The following ARFGEF2 variants were observed in gnomAD, a reference collection of about 807,000 sequenced individuals.
ARFGEF2 encodes brefeldin A-inhibited guanine nucleotide-exchange protein 2.
ARFGEF2 carries 74 observed loss-of-function variants against 219.9 expected under a neutral mutation model. The observed-to-expected ratio is 0.34, with a 90% CI of 0.28 to 0.41. The LOEUF is 0.41. Ranked by LOEUF, ARFGEF2 falls within the 10% of genes least tolerant of loss-of-function variation. The pLI, the probability that ARFGEF2 is intolerant of heterozygous loss-of-function variation, is 1.00. For synonymous variants in ARFGEF2, 733 were observed against 799.2 expected (o/e 0.92, Z 1.40); for missense variants, 1,743 against 2,218.3 (o/e 0.79, Z 4.30).
intron 1 of ARFGEF2, among the ~76,000 whole-genome samples, chr20:48,933,855 C>T (rs971230133): frequency 6.6e-6 from 1 of 152,030 alleles, no homozygotes; most frequent in Non-Finnish European, 1.5e-5. Flanking sequence ...TGCGGTGGCT[C>T]ATGCCTGTAA....
In ARFGEF2 at chr20:48,998,322, G is replaced by A; in HGVS notation, c.3263-14G>A. Reference sequence around the variant, plus strand: ...TAACGAGGCTTTGCTTGTGTTGTTGGGTCTGGCCTGTAGTTGACTTTGTCC... The same window carrying A: ...TAACGAGGCTTTGCTTGTGTTGTTGAGTCTGGCCTGTAGTTGACTTTGTCC... On this transcript the variant is annotated splice_polypyrimidine_tract_variant and intron_variant, in intron 24 of 38. Coordinates refer to ENST00000371917, the MANE Select transcript of ARFGEF2 (RefSeq NM_006420.3). The A allele has an allele frequency of 6.2e-7, 1 of 1,614,146 alleles. No individual in the cohort carries two copies. Among genetic ancestry groups the A allele is most frequent in the Middle Eastern group, 1.6e-4 (1 of 6,062 alleles).
chr20:48,949,579 C>T (rs1440373909), intron 3 of ARFGEF2, among the ~76,000 whole-genome samples: 2 of 152,162 alleles, frequency 1.3e-5, no homozygotes, highest in African/African-American at 2.4e-5. Context: ...CCTTCAGTTA[C>T]TCCATCCAGT....
At chr20:48,991,993 G>C (rs1411370745) in intron 21 of ARFGEF2, among the ~76,000 whole-genome samples, 1 of 152,210 alleles carries the variant, frequency 6.6e-6, no homozygotes, top group Non-Finnish European at 1.5e-5. Context: ...AGATATGAGG[G>C]TGCAGCTTGG....
chr20:49,006,302 A>G (rs2091459116), intron 26 of ARFGEF2, among the ~76,000 whole-genome samples: 1 of 152,224 alleles, frequency 6.6e-6, no homozygotes, highest in Non-Finnish European at 1.5e-5. Context: ...CTCAAAAAAA[A>G]TAAATAAAAA....
At chr20:48,922,986 G>A (rs1647117124) in intron 1 of ARFGEF2, among the ~76,000 whole-genome samples, 1 of 152,232 alleles carries the variant, frequency 6.6e-6, no homozygotes, top group Admixed American at 6.5e-5. Context: ...ACAGCAAGAT[G>A]TGATAAAGAG....
intron 7 of ARFGEF2, among the ~76,000 whole-genome samples, chr20:48,964,179 C>T (rs1044392373): frequency 6.6e-5 from 10 of 152,150 alleles, no homozygotes; most frequent in Admixed American, 3.3e-4. Flanking sequence ...GAGGCCAAGG[C>T]GGGCGGTTCA....
At chr20:48,935,592 C>G (rs1197811715) in intron 1 of ARFGEF2, among the ~76,000 whole-genome samples, 4 of 152,256 alleles carry the variant, frequency 2.6e-5, no homozygotes. Flanking sequence ...ATGGCCCGTT[C>G]TCAATGAGCT....
intron 3 of ARFGEF2, among the ~76,000 whole-genome samples, chr20:48,943,932 G>C (rs1002587925): frequency 6.6e-6 from 1 of 152,208 alleles, no homozygotes. Context: ...AAAGAGTACT[G>C]TGATTGATTG....
rs140398491 is a variant in ARFGEF2 at position 49,033,237 on chromosome 20, T to C, written c.*38T>C. On this transcript the variant is annotated 3_prime_UTR_variant, in exon 39 of 39. Coordinates refer to ENST00000371917, the MANE Select transcript of ARFGEF2 (RefSeq NM_006420.3). ...AGGCCAGTGCTGCAGCTCTGCAGAA[T>C]GTTCAGCATGCCATTTCTGACTGGC... 974 of 1,609,964 alleles carry C rather than the reference T, an allele frequency of 6.0e-4. 5 individuals are homozygous for C. The African/African-American group carries it at 0.011, about 18-fold the overall frequency.
Position 48,987,608 on chromosome 20 carries a change from G to A in ARFGEF2, c.2277-696G>A, listed in dbSNP as rs140392079. On this transcript the variant is annotated intron_variant, in intron 16 of 38. Transcript: ENST00000371917. Reference sequence around the variant, plus strand: ...CTCAGGAACAGGACAAGGTGGGGGAGGCACTCAAGCGCTTAGTGTGTGAAA... The same window carrying A: ...CTCAGGAACAGGACAAGGTGGGGGAAGCACTCAAGCGCTTAGTGTGTGAAA... Among the ~76,000 whole-genome samples, 285 of 152,240 alleles carry A rather than the reference G, an allele frequency of 1.9e-3. 1 individual carries two copies. The highest frequency in any genetic ancestry group is 6.5e-3 in the African/African-American group (272 of 41,542).
chr20:49,020,753 CT>C (rs1283173906), intron 34 of ARFGEF2, among the ~76,000 whole-genome samples: 1 of 152,088 alleles, frequency 6.6e-6, no homozygotes, highest in Non-Finnish European at 1.5e-5. Flanking sequence ...GGCTCTTTTT[CT>C]TCACGAGCTC....
rs141662269 is a variant in ARFGEF2 at position 48,942,310 on chromosome 20, CT to C, written c.276+329del. Among the ~76,000 whole-genome samples, 15,804 of 151,870 alleles carry C rather than the reference CT, an allele frequency of 0.1. 970 individuals are homozygous for C. The highest frequency in any genetic ancestry group is 0.13 in the Non-Finnish European group (8,956 of 67,950). On this transcript the variant is annotated intron_variant, in intron 3 of 38. Coordinates refer to ENST00000371917, the MANE Select transcript of ARFGEF2 (RefSeq NM_006420.3). Reference sequence around the variant, plus strand: ...CACATAAGGCATTTTTATACAGCCTCTTTTTTATTTTTTCCATTTTGTAGAG... The same window carrying C: ...CACATAAGGCATTTTTATACAGCCTCTTTTTATTTTTTCCATTTTGTAGAG...
chr20:48,989,870 G>A (rs6066938), intron 20 of ARFGEF2, among the ~76,000 whole-genome samples, 186 bp downstream of exon 20: 1 of 152,156 alleles, frequency 6.6e-6, no homozygotes, highest in East Asian at 1.9e-4. Context: ...ATGGAGATAC[G>A]GATTAAAACT....
chr20:48,989,147 T>C, intron 18 of ARFGEF2, 138 bp from the exon 19 acceptor site: 1 of 998,800 alleles, frequency 1.0e-6, no homozygotes, highest in Non-Finnish European at 1.5e-6. Context: ...AAAATGGTAA[T>C]AATAATATTT....
chr20:49,018,782 A>G (rs1390936239), intron 33 of ARFGEF2, 102 bp from the exon 34 acceptor site: 3 of 862,344 alleles, frequency 3.5e-6, no homozygotes, highest in Non-Finnish European at 3.9e-6. Flanking sequence ...TAAGCAAGGC[A>G]CTTAAATACA....
At chr20:48,996,918 C>T (rs2091393941) in intron 23 of ARFGEF2, among the ~76,000 whole-genome samples, 1 of 151,910 alleles carries the variant, frequency 6.6e-6, no homozygotes, top group Non-Finnish European at 1.5e-5. Flanking sequence ...CAATCACTCT[C>T]CGTTTTCTTT....
At chr20:48,955,177 T>G (rs1344605167) in intron 6 of ARFGEF2, among the ~76,000 whole-genome samples, 1 of 152,024 alleles carries the variant, frequency 6.6e-6, no homozygotes, top group African/African-American at 2.4e-5. Context: ...AGCTTATACC[T>G]CTCTTTCTCT....
At chr20:49,005,737 CAAAAAAAAAAAAA>C (rs56730863) in intron 26 of ARFGEF2, among the ~76,000 whole-genome samples, 1 of 62,220 alleles carries the variant, frequency 1.6e-5, no homozygotes, top group Admixed American at 1.9e-4. Context: ...GACTCCGTCT[CAAAAAAAAAAAAA>C]AAAAAAAAGA....
chr20:48,941,009 C>T (rs534545925), intron 1 of ARFGEF2, among the ~76,000 whole-genome samples, 190 bp from the exon 2 acceptor site: 1 of 152,286 alleles, frequency 6.6e-6, no homozygotes, highest in African/African-American at 2.4e-5. Flanking sequence ...AATGCCTAGC[C>T]AGTCACTCCA....
Sources: allele counts gnomAD v4.1 joint callset (sites outside exome capture counted in the v4.1 genomes callset), GRCh38; gene constraint gnomAD v4.1.1; transcripts MANE v1.5; gene names NCBI Gene and HGNC (gene_info 2026-07-23, HGNC 2026-07-21).